The following COL24A1 variants were observed in gnomAD, a reference collection of about 807,000 sequenced individuals.
COL24A1 encodes collagen type XXIV alpha 1 chain, also known as collagen alpha-1(XXIV) chain.
Under a neutral mutation model 253.9 loss-of-function variants are expected in COL24A1, and 224 were observed. The ratio of observed to expected loss-of-function variants is 0.88; its 90% CI spans 0.79 to 0.99. The LOEUF (loss-of-function observed/expected upper bound fraction) is 0.99, where lower values mean the gene tolerates loss of function less well. COL24A1 is among the 50% of genes least tolerant of loss of function. The pLI is 0.00. For missense variants in COL24A1, 2,131 were observed against 2,068.5 expected (o/e 1.03, Z -0.59); for synonymous variants, 685 against 673.7 (o/e 1.02, Z -0.26).
chr1:86,155,874 C>A (rs1653526258), intron 1 of COL24A1: 2 of 155,980 alleles, frequency 1.3e-5, no homozygotes, highest in South Asian at 2.0e-4. Context: ...GTCCAGGCTG[C>A]GCACACTGAC....
intron 43 of COL24A1, among the ~76,000 whole-genome samples, chr1:85,830,327 G>T (rs1352592994): frequency 6.6e-6 from 1 of 152,130 alleles, no homozygotes; most frequent in Non-Finnish European, 1.5e-5. Context: ...TCTCTTCAAA[G>T]CTGTCAGACA....
intron 20 of COL24A1, among the ~76,000 whole-genome samples, chr1:85,978,391 C>T (rs1692905026): frequency 6.6e-6 from 1 of 151,712 alleles, no homozygotes; most frequent in Non-Finnish European, 1.5e-5. Context: ...TCAATATTAA[C>T]GTTGAATGTA....
chr1:85,859,721 C>A (rs764064331), intron 37 of COL24A1, among the ~76,000 whole-genome samples: 9 of 152,032 alleles, frequency 5.9e-5, no homozygotes, highest in Non-Finnish European at 1.2e-4. Context: ...GTTAACATTG[C>A]CCACTGCAAC....
At chr1:85,874,822 G>A in intron 34 of COL24A1, 120 bp from the exon 35 acceptor site, 5 of 1,059,810 alleles carry the variant, frequency 4.7e-6, no homozygotes, top group Non-Finnish European at 6.8e-6. Context: ...CCTGTCCAAG[G>A]CCTGTTAGGA....
intron 5 of COL24A1, among the ~76,000 whole-genome samples, chr1:86,106,293 C>T (rs893174233): frequency 6.6e-6 from 1 of 151,678 alleles, no homozygotes; most frequent in African/African-American, 2.4e-5. Flanking sequence ...CTTTGGTGTT[C>T]AATACTTTAT....
intron 47 of COL24A1, among the ~76,000 whole-genome samples, chr1:85,815,755 A>C (rs1421989612): frequency 6.6e-6 from 1 of 152,100 alleles, no homozygotes; most frequent in Non-Finnish European, 1.5e-5. Context: ...ACCATATCCA[A>C]ATAGCAGAAA....
chr1:86,127,263 C>T (rs1039950990), intron 2 of COL24A1, among the ~76,000 whole-genome samples: 20 of 152,072 alleles, frequency 1.3e-4, no homozygotes, highest in South Asian at 2.1e-4. Context: ...TTATGTAATA[C>T]GCATTTTATA....
chr1:85,949,085 G>A (rs1274346959), intron 24 of COL24A1, among the ~76,000 whole-genome samples: 1 of 151,914 alleles, frequency 6.6e-6, no homozygotes, highest in African/African-American at 2.4e-5. Context: ...AAAGCAATCT[G>A]GTCTCACAGT....
At chr1:85,939,783 C>A (rs776996048) in intron 24 of COL24A1, among the ~76,000 whole-genome samples, 68 of 151,914 alleles carry the variant, frequency 4.5e-4, no homozygotes, top group Admixed American at 1.4e-3. Context: ...TTTACTATGC[C>A]AGTATCTAGT....
chr1:86,134,218 C>T (rs187791575), intron 2 of COL24A1, among the ~76,000 whole-genome samples: 18,589 of 148,092 alleles, frequency 0.13, 1,294 homozygotes, highest in South Asian at 0.25. Context: ...TTTTTTATTG[C>T]GTCTATTTGA....
intron 43 of COL24A1, among the ~76,000 whole-genome samples, chr1:85,832,402 A>C (rs942291462): frequency 6.6e-6 from 1 of 151,924 alleles, no homozygotes; most frequent in Non-Finnish European, 1.5e-5. Flanking sequence ...TTGACTTGGC[A>C]ATGTGGGCTC....
chr1:85,976,607 C>A (rs929248393), intron 20 of COL24A1, among the ~76,000 whole-genome samples: 1 of 152,124 alleles, frequency 6.6e-6, no homozygotes, highest in Non-Finnish European at 1.5e-5. Context: ...CCTTGCCCAT[C>A]ACCTGAGAAA....
At position 85,868,840 on chromosome 1, in the gene COL24A1, T is replaced by A. The variant is rs772101573; in HGVS notation, c.3139-5A>T. 2 of 1,583,506 alleles carry A rather than the reference T, an allele frequency of 1.3e-6. No homozygotes were observed. Among genetic ancestry groups the A allele is most frequent in the South Asian group, 2.4e-5 (2 of 84,538 alleles). On this transcript the variant is annotated splice_region_variant and splice_polypyrimidine_tract_variant and intron_variant, in intron 35 of 59. Coordinates refer to ENST00000370571, the MANE Select transcript of COL24A1 (RefSeq NM_152890.7). Reference sequence around the variant, plus strand: ...TCCAGGAGCTCCTGGTTCACCCTATTTTGTAGCAGAAAGAGTATGATTGAG... The same window carrying A: ...TCCAGGAGCTCCTGGTTCACCCTATATTGTAGCAGAAAGAGTATGATTGAG...
At chr1:85,788,555 G>A (rs1004262903) in intron 47 of COL24A1, among the ~76,000 whole-genome samples, 1 of 152,162 alleles carries the variant, frequency 6.6e-6, no homozygotes, top group Non-Finnish European at 1.5e-5. Context: ...CTGTGCAGAA[G>A]CTCTTTAGTT....
chr1:86,041,632 C>T (rs546025448), intron 12 of COL24A1, among the ~76,000 whole-genome samples: 1 of 152,186 alleles, frequency 6.6e-6, no homozygotes, highest in African/African-American at 2.4e-5. Context: ...AAATACATAA[C>T]AAATCCCCTC....
intron 35 of COL24A1, among the ~76,000 whole-genome samples, chr1:85,873,827 A>AT (rs1228504938): frequency 2.3e-5 from 3 of 130,144 alleles, no homozygotes; most frequent in African/African-American, 8.1e-5. Flanking sequence ...CTTAAAATAC[A>AT]TAAAAAAAAA....
At chr1:85,781,178 G>T in intron 52 of COL24A1, 42 bp downstream of exon 52, 1 of 1,399,098 alleles carries the variant, frequency 7.1e-7, no homozygotes, top group Non-Finnish European at 9.8e-7. Context: ...TAGAATTAAA[G>T]AAAAAAAAGA....
In COL24A1 at chr1:85,861,355, C is replaced by T. The variant is rs553142163; in HGVS notation, c.3300+7164G>A. ...TCAGATTGTTAATATATTCTGGATA[C>T]GAGTCCCTTATCATATATGATTTTC... is the stretch of plus-strand genomic sequence containing the variant. On this transcript the variant is annotated intron_variant, in intron 37 of 59. Coordinates refer to ENST00000370571, the MANE Select transcript of COL24A1 (RefSeq NM_152890.7). Among the ~76,000 whole-genome samples the T allele has an allele frequency of 3.3e-5, 5 of 152,050 alleles. No individual in the cohort carries two copies. In the South Asian group the frequency reaches 8.3e-4, roughly 25 times the overall value.
chr1:86,093,747 A>C (rs527290249), intron 5 of COL24A1, among the ~76,000 whole-genome samples: 3 of 152,188 alleles, frequency 2.0e-5, no homozygotes, highest in Non-Finnish European at 4.4e-5. Flanking sequence ...GCATCCAACA[A>C]AGGTCAAATA....
Sources: gnomAD v4.1 joint callset for allele counts (sites outside exome capture counted in the v4.1 genomes callset) on GRCh38, gnomAD v4.1.1 for gene constraint, MANE v1.5 for transcripts, NCBI Gene and HGNC (gene_info 2026-07-23, HGNC 2026-07-21) for gene names.